SIK2: variants seen among roughly 807,000 people sequenced by gnomAD.
The protein encoded by SIK2 is serine/threonine-protein kinase SIK2.
In SIK2, 29 loss-of-function variants were observed where a neutral mutation model predicts 103.2. That is an observed-to-expected ratio of 0.28 (90% confidence interval 0.21 to 0.38). SIK2 has a LOEUF of 0.38. Among genes scored for constraint, SIK2 ranks in the 10% least tolerant of loss-of-function variants. The pLI is 1.00. For missense variants in SIK2, 879 were observed against 1,171.0 expected, an observed-to-expected ratio of 0.75 and a Z score of 3.64; for synonymous variants, 412 against 446.1, an observed-to-expected ratio of 0.92 and a Z score of 0.96.
chr11:111,625,265 G>A (rs1941946632), intron 3 of SIK2, among the ~76,000 whole-genome samples: 2 of 152,206 alleles, frequency 1.3e-5, no homozygotes, highest in Non-Finnish European at 2.9e-5. Flanking sequence ...AATGGGAAAG[G>A]GTGGAGACAG....
intron 3 of SIK2, among the ~76,000 whole-genome samples, chr11:111,623,770 A>G (rs1355874822): frequency 3.3e-5 from 5 of 152,154 alleles, no homozygotes; most frequent in African/African-American, 1.2e-4. Context: ...CACGTGAGCC[A>G]ATCAGCACTC....
At chr11:111,702,925 C>CTCTT (rs1555035345) in intron 6 of SIK2, among the ~76,000 whole-genome samples, 1 of 151,920 alleles carries the variant, frequency 6.6e-6, no homozygotes, top group Non-Finnish European at 1.5e-5. Context: ...AAACCAAAGT[C>CTCTT]TGTTTCTAGA....
intron 3 of SIK2, among the ~76,000 whole-genome samples, chr11:111,661,323 A>G (rs1942464654): frequency 6.6e-6 from 1 of 152,230 alleles, no homozygotes; most frequent in Non-Finnish European, 1.5e-5. Flanking sequence ...TTGCTAACAG[A>G]GAGAAGCCAC....
chr11:111,713,801 T>C (rs1319936179), intron 9 of SIK2, among the ~76,000 whole-genome samples: 2 of 152,146 alleles, frequency 1.3e-5, no homozygotes, highest in Non-Finnish European at 2.9e-5. Flanking sequence ...ACTCCGTCTC[T>C]ACTAAAAATA....
intron 3 of SIK2, among the ~76,000 whole-genome samples, chr11:111,676,308 CTGTTT>C (rs1312292527): frequency 6.6e-6 from 1 of 152,192 alleles, no homozygotes; most frequent in Non-Finnish European, 1.5e-5. Context: ...AACAGCAATT[CTGTTT>C]TATCTTCTTT....
chr11:111,638,190 A>G (rs2135853854), intron 3 of SIK2, among the ~76,000 whole-genome samples: 1 of 152,324 alleles, frequency 6.6e-6, no homozygotes, highest in Admixed American at 6.5e-5. Flanking sequence ...TGGATGAGGA[A>G]TGCTAACGCA....
chr11:111,703,086 G>A (rs1943255203), intron 6 of SIK2, 117 bp from the exon 7 acceptor site: 1 of 823,628 alleles, frequency 1.2e-6, no homozygotes. Context: ...TTGACCTTCT[G>A]CTTTCCAGTA....
intron 8 of SIK2, among the ~76,000 whole-genome samples, chr11:111,711,419 C>T (rs1943492514): frequency 6.6e-6 from 1 of 152,196 alleles, no homozygotes; most frequent in Admixed American, 6.5e-5. Context: ...CCGCGCCTGG[C>T]CTTAAATGAT....
rs1455208104 is a variant in SIK2 at position 111,724,002 on chromosome 11, G to A, written c.2654G>A (p.Ser885Asn). ...SDLTGPDCPR[S>N]PGLQEAPSSY... ...CTAACGGGGCCAGACTGTCCCAGAA[G>A]CCCAGGACTGCAAGAGGCCCCCTCC... is the stretch of plus-strand genomic sequence containing the variant. The change falls in exon 15 of 15, where the codon AGC (serine) becomes AAC (asparagine). Residue 885 changes from serine (S) to asparagine (N), a missense_variant. Ser to Asn is a conservative substitution (Grantham distance 46). Around this residue, in one of 7 missense-constraint regions of SIK2, gnomAD observed 375 missense variants for 416.3 expected, o/e 0.90. Coordinates refer to ENST00000304987, the MANE Select transcript of SIK2 (RefSeq NM_015191.3). The A allele has an allele frequency of 2.5e-6, 4 of 1,614,182 alleles. No individual in the cohort carries two copies. The highest frequency in any genetic ancestry group is 1.7e-5 in the Admixed American group (1 of 60,018).
intron 3 of SIK2, among the ~76,000 whole-genome samples, chr11:111,635,007 T>A (rs1294427514): frequency 6.6e-6 from 1 of 152,240 alleles, no homozygotes; most frequent in Admixed American, 6.5e-5. Context: ...TGAATTTTTA[T>A]TAGATATGTA....
At chr11:111,647,157 T>A (rs1211184263) in intron 3 of SIK2, among the ~76,000 whole-genome samples, 1 of 152,224 alleles carries the variant, frequency 6.6e-6, no homozygotes, top group Non-Finnish European at 1.5e-5. Context: ...CATGCCATAA[T>A]GTATTTAACC....
intron 9 of SIK2, among the ~76,000 whole-genome samples, chr11:111,715,487 T>G (rs990747063): frequency 6.6e-6 from 1 of 152,230 alleles, no homozygotes; most frequent in African/African-American, 2.4e-5. Context: ...CAAAGAGACT[T>G]CAGCTCTCCT....
rs372990963 is a variant in SIK2 at position 111,722,772 on chromosome 11, T to C, written c.2147+16T>C. 1.7e-5 allele frequency: 27 copies of C among 1,609,874 alleles called. No individual in the cohort carries two copies. In the African/African-American group the frequency reaches 3.1e-4, roughly 18 times the overall value. On this transcript the variant is annotated intron_variant, in intron 14 of 14. Coordinates refer to ENST00000304987, the MANE Select transcript of SIK2 (RefSeq NM_015191.3). This position sits in a 1 kb window ranked among gnomAD's most constrained non-coding sequence, Gnocchi z 4.4. The stretch of plus-strand genomic sequence containing the variant: ...AGGAACATAGGTGAGAAGGGGACTT[T>C]GGCCAAAGAAGTTGCTTCCTTTTCT...
intron 3 of SIK2, among the ~76,000 whole-genome samples, chr11:111,644,577 T>C (rs1042226674): frequency 2.0e-5 from 3 of 152,110 alleles, no homozygotes; most frequent in Admixed American, 6.6e-5. Context: ...TACCTGTTAG[T>C]TTATTTCTCA....
chr11:111,627,799 G>C (rs1940529), intron 3 of SIK2, among the ~76,000 whole-genome samples: 92,693 of 151,894 alleles, frequency 0.61, 31,278 homozygotes, highest in East Asian at 0.96. Flanking sequence ...TTTTTTCATT[G>C]TTAGTTTTGT....
At chr11:111,615,980 C>T (rs1941799890) in intron 1 of SIK2, among the ~76,000 whole-genome samples, 1 of 152,134 alleles carries the variant, frequency 6.6e-6, no homozygotes, top group African/African-American at 2.4e-5. Context: ...AGAAAAAAGA[C>T]ATTACCATTG....
At chr11:111,642,044 C>G (rs1313429045) in intron 3 of SIK2, among the ~76,000 whole-genome samples, 2 of 152,074 alleles carry the variant, frequency 1.3e-5, no homozygotes, top group South Asian at 4.1e-4. Flanking sequence ...GTTTGGTTGC[C>G]CTGTTCTTGG....
intron 3 of SIK2, among the ~76,000 whole-genome samples, chr11:111,642,673 C>T (rs1942197919): frequency 6.6e-6 from 1 of 152,134 alleles, no homozygotes; most frequent in South Asian, 2.1e-4. Flanking sequence ...TCTCCAACCC[C>T]CATCCCCTCT....
intron 3 of SIK2, among the ~76,000 whole-genome samples, chr11:111,679,196 A>C (rs1942746037): frequency 6.6e-6 from 1 of 152,234 alleles, no homozygotes. Context: ...GGGAATTATA[A>C]ATAATTTTAG....
Sources: allele counts gnomAD v4.1 joint callset (sites outside exome capture counted in the v4.1 genomes callset), GRCh38; gene constraint gnomAD v4.1.1; regional missense constraint gnomAD v4.1.1; non-coding constraint Gnocchi (gnomAD v3.1); transcripts MANE v1.5; gene names NCBI Gene and HGNC (gene_info 2026-07-23, HGNC 2026-07-21).